The following PCDHGA12 variants were observed in gnomAD, a reference collection of about 807,000 sequenced individuals.
PCDHGA12 encodes the protein protocadherin gamma-A12.
In PCDHGA12, 43 loss-of-function variants were observed where a neutral mutation model predicts 61.1. The observed-to-expected ratio is 0.70, with a 90% CI of 0.55 to 0.91. The LOEUF is 0.91. Ranked by LOEUF, PCDHGA12 falls within the 40% of genes least tolerant of loss-of-function variation. The pLI, the probability that PCDHGA12 is intolerant of heterozygous loss-of-function variation, is 0.00. For missense variants in PCDHGA12, 1,236 were observed against 1,227.7 expected (o/e 1.01, Z -0.10); for synonymous variants, 520 against 542.9 (o/e 0.96, Z 0.59).
chr5:141,458,171 A>G (rs548935841), intron 1 of PCDHGA12, among the ~76,000 whole-genome samples: 74 of 152,336 alleles, frequency 4.9e-4, no homozygotes, highest in African/African-American at 1.6e-3. Flanking sequence ...TCACAGTAGT[A>G]TACCTTACTT....
rs996353495 is a variant in PCDHGA12, at chr5:141,485,101, T to G, written c.2425-9706T>G. 12 of 1,158,090 alleles carry G rather than the reference T, an allele frequency of 1.0e-5. No individual in the cohort carries two copies. Among genetic ancestry groups the G allele is most frequent in the Non-Finnish European group, 1.4e-5 (11 of 786,830 alleles). The allele number at this position is 1,158,090 out of a possible 1,614,324, so 71.7% of individuals were successfully genotyped here. ...GGAAAGGGAGATAGGTGTCTCCAGC[T>G]GCTGTGGCTGTTTGGGGCGGGTCGG... On this transcript the variant is annotated intron_variant, in intron 1 of 3. Transcript: ENST00000252085. This position sits in a 1 kb window ranked among gnomAD's most constrained non-coding sequence, Gnocchi z 5.7.
chr5:141,478,927 C>T (rs2154577116), intron 1 of PCDHGA12: 2 of 690,162 alleles, frequency 2.9e-6, no homozygotes, highest in East Asian at 6.0e-5. Flanking sequence ...TAACCAGTGG[C>T]AGCTTCTAGG....
intron 1 of PCDHGA12, among the ~76,000 whole-genome samples, chr5:141,445,814 T>C (rs1554133709): frequency 6.6e-6 from 1 of 152,182 alleles, no homozygotes; most frequent in Non-Finnish European, 1.5e-5. Context: ...TAGATGAAAC[T>C]AATAAGGCAG....
chr5:141,485,726 C>G lies in PCDHGA12; in HGVS notation c.2425-9081C>G. On this transcript the variant is annotated intron_variant, in intron 1 of 3. Transcript: ENST00000252085. The surrounding 1 kb of genome is among the most constrained non-coding windows in gnomAD (Gnocchi z 5.7). ...ACACTTTGCACTGGATGTGAAGAAG[C>G]GCAGCGACGGCAGCCTGGTCCCAGA... 2 of 1,614,140 alleles carry G rather than the reference C, an allele frequency of 1.2e-6. No individual in the cohort carries two copies. The highest frequency in any genetic ancestry group is 1.1e-5 in the South Asian group (1 of 91,082).
At position 141,487,215 on chromosome 5, in the gene PCDHGA12, C is replaced by G. The variant is rs1248989099; in HGVS notation, c.2425-7592C>G. 4 of 1,613,850 alleles carry G rather than the reference C, an allele frequency of 2.5e-6. No homozygotes were observed. Among genetic ancestry groups the G allele is most frequent in the East Asian group, 4.5e-5 (2 of 44,882 alleles). The stretch of plus-strand genomic sequence containing the variant: ...GTCCCAGATCTTCGAGAATCTTCAG[C>G]TCCAAGGGAAGGAGAATCTCGTCTA... On this transcript the variant is annotated intron_variant, in intron 1 of 3. Coordinates refer to ENST00000252085, the MANE Select transcript of PCDHGA12 (RefSeq NM_003735.3). This position sits in a 1 kb window ranked among gnomAD's most constrained non-coding sequence, Gnocchi z 5.0.
At position 141,487,448 on chromosome 5, in the gene PCDHGA12, C is replaced by T; in HGVS notation, c.2425-7359C>T. The stretch of plus-strand genomic sequence containing the variant: ...CCGAATCCAGCTAGGGTCAGATGAC[C>T]CTATCAAGTTTGTTGATGTGGGAGG... On this transcript the variant is annotated intron_variant, in intron 1 of 3. Coordinates refer to ENST00000252085, the MANE Select transcript of PCDHGA12 (RefSeq NM_003735.3). The surrounding 1 kb of genome is among the most constrained non-coding windows in gnomAD (Gnocchi z 5.0). 6.8e-6 allele frequency: 11 copies of T among 1,614,146 alleles called. No individual in the cohort carries two copies. The highest frequency in any genetic ancestry group is 9.3e-6 in the Non-Finnish European group (11 of 1,180,028).
At chr5:141,465,767 T>A (rs1427458413) in intron 1 of PCDHGA12, among the ~76,000 whole-genome samples, 1 of 152,016 alleles carries the variant, frequency 6.6e-6, no homozygotes, top group Non-Finnish European at 1.5e-5. Context: ...TCATGTTTCA[T>A]CTCTTGTTAC....
At chr5:141,433,694 G>T (rs539494151) in intron 1 of PCDHGA12, among the ~76,000 whole-genome samples, 1 of 152,126 alleles carries the variant, frequency 6.6e-6, no homozygotes, top group South Asian at 2.1e-4. Flanking sequence ...AAAATTAGCC[G>T]GGCGTGGTGG....
Position 141,487,819 on chromosome 5 carries a change from C to T in PCDHGA12, c.2425-6988C>T, listed in dbSNP as rs559702138. 28 of 1,285,530 alleles carry T rather than the reference C, an allele frequency of 2.2e-5. No homozygotes were observed. The highest frequency in any genetic ancestry group is 7.6e-5 in the East Asian group (3 of 39,466). 79.6% of individuals were successfully genotyped at this position (1,285,530 alleles called of 1,614,324 possible). ...AGTTGTCACAGTTTAGCATTGGGGG[C>T]GGGTCATGCCTATATCTGAGTAAGA... is the stretch of plus-strand genomic sequence containing the variant. On this transcript the variant is annotated intron_variant, in intron 1 of 3. Transcript: ENST00000252085. The surrounding 1 kb of genome is among the most constrained non-coding windows in gnomAD (Gnocchi z 5.0).
intron 1 of PCDHGA12, among the ~76,000 whole-genome samples, chr5:141,443,016 G>T (rs1325670377): frequency 6.6e-6 from 1 of 152,204 alleles, no homozygotes; most frequent in East Asian, 1.9e-4. Context: ...TATGACTAAT[G>T]GAAGTTGCCA....
intron 1 of PCDHGA12, among the ~76,000 whole-genome samples, chr5:141,437,505 A>G (rs1429147239): frequency 6.6e-6 from 1 of 152,204 alleles, no homozygotes; most frequent in Non-Finnish European, 1.5e-5. Context: ...TTTTCAATGA[A>G]TTATAAGGCT....
At chr5:141,461,893 G>A (rs2099025951) in intron 1 of PCDHGA12, among the ~76,000 whole-genome samples, 1 of 151,772 alleles carries the variant, frequency 6.6e-6, no homozygotes, top group African/African-American at 2.4e-5. Context: ...GCACGATCTC[G>A]GCTCACTGCA....
rs529787438 is a variant in PCDHGA12 at position 141,470,330 on chromosome 5, G to A, written c.2425-24477G>A. Among the ~76,000 whole-genome samples the A allele has an allele frequency of 3.3e-4, 50 of 152,144 alleles. 1 individual carries two copies. The highest frequency in any genetic ancestry group is 1.1e-3 in the African/African-American group (47 of 41,498). ...TTTTCCTCAAATGATCCCATAATTT[G>A]ACCTTAGGAAGCTGTTCAAATAGAC... On this transcript the variant is annotated intron_variant, in intron 1 of 3. Coordinates refer to ENST00000252085, the MANE Select transcript of PCDHGA12 (RefSeq NM_003735.3).
At chr5:141,434,364 A>G (rs1023051594) in intron 1 of PCDHGA12, among the ~76,000 whole-genome samples, 1 of 152,208 alleles carries the variant, frequency 6.6e-6, no homozygotes, top group Non-Finnish European at 1.5e-5. Context: ...AAATCTGGCC[A>G]TAAACTGGCC....
intron 1 of PCDHGA12, among the ~76,000 whole-genome samples, chr5:141,464,715 T>C (rs1013508667): frequency 2.0e-5 from 3 of 152,090 alleles, no homozygotes; most frequent in Admixed American, 2.0e-4. Flanking sequence ...AAATAGTTTT[T>C]CATATGTTTA....
intron 1 of PCDHGA12, among the ~76,000 whole-genome samples, chr5:141,435,710 C>T (rs1033703743): frequency 1.3e-5 from 2 of 152,148 alleles, no homozygotes; most frequent in Admixed American, 6.5e-5. Flanking sequence ...TGGTTACAGA[C>T]ACTGAATGCT....
chr5:141,489,354 G>A lies in PCDHGA12; in HGVS notation c.2425-5453G>A, dbSNP rs773010251. On this transcript the variant is annotated intron_variant, in intron 1 of 3. Coordinates refer to ENST00000252085, the MANE Select transcript of PCDHGA12 (RefSeq NM_003735.3). The surrounding 1 kb of genome is among the most constrained non-coding windows in gnomAD (Gnocchi z 4.5). ...AGCTTCGTTACTCAGTGGTGGAGGA[G>A]TCTGAGCCGGGGACGCTGGTGGGGA... The A allele has an allele frequency of 1.2e-5, 19 of 1,612,796 alleles. No homozygotes were observed. Among genetic ancestry groups the A allele is most frequent in the East Asian group, 2.2e-5 (1 of 44,868 alleles).
chr5:141,478,744 T>C, intron 1 of PCDHGA12: 1 of 1,528,172 alleles, frequency 6.5e-7, no homozygotes, highest in Non-Finnish European at 8.8e-7. Flanking sequence ...TGTGGTCCCA[T>C]TTCAGGGGGA....
rs781580216 is a variant in PCDHGA12, at chr5:141,430,931, G to C, written c.172G>C (p.Glu58Gln). 2 of 1,607,530 alleles carry C rather than the reference G, an allele frequency of 1.2e-6. No individual in the cohort carries two copies. Among genetic ancestry groups the C allele is most frequent in the Admixed American group, 1.7e-5 (1 of 58,740 alleles). Residue 58 changes from glutamate (E) to glutamine (Q), a missense_variant, in exon 1 of 4, where the codon GAG (glutamate) becomes CAG (glutamine). Physicochemically the swap from Glu to Gln is conservative, Grantham distance 29. Transcript: ENST00000252085. ...CAGGGACCTGGGGCTGGAGCCCCGG[G>C]AGCTCGCGGAGCGCGGAGTCCGCAT... ...ISRDLGLEPR[E>Q]LAERGVRIIP... is the part of the protein sequence containing the mutation.
Sources: gnomAD v4.1 joint callset for allele counts (sites outside exome capture counted in the v4.1 genomes callset) on GRCh38, gnomAD v4.1.1 for gene constraint, Gnocchi (gnomAD v3.1) non-coding constraint, MANE v1.5 for transcripts, NCBI Gene and HGNC (gene_info 2026-07-23, HGNC 2026-07-21) for gene names.